CHODL: variants seen among roughly 807,000 people sequenced by gnomAD.
CHODL encodes the protein chondrolectin, also known as transmembrane protein MT75.
A neutral mutation model predicts 34.5 loss-of-function variants in CHODL; 29 were observed. The ratio of observed to expected loss-of-function variants is 0.84; its 90% CI spans 0.63 to 1.15. The LOEUF is 1.15. Among genes scored for constraint, CHODL ranks in the 50% most tolerant of loss-of-function variants. The probability of loss-of-function intolerance (pLI) is 0.00; values close to 1 mark genes in which losing one functional copy is unlikely to be tolerated. For missense variants in CHODL, 332 were observed against 332.5 expected (o/e 1.00, Z 0.01); for synonymous variants, 125 against 116.1 (o/e 1.08, Z -0.49).
rs1568957671 is a variant in CHODL, at chr21:18,251,564, T to TATATAAAATAAA, written c.80-4945_80-4944insATATAAAATAAA. Among the ~76,000 whole-genome samples, 148 of 14,970 alleles carry TATATAAAATAAA rather than the reference T, an allele frequency of 9.9e-3. 2 individuals are homozygous for TATATAAAATAAA. Among genetic ancestry groups the TATATAAAATAAA allele is most frequent in the African/African-American group, 0.045 (147 of 3,234 alleles). The allele number at this position is 14,970 out of a possible 152,430, so 9.8% of individuals were successfully genotyped here. ...TTTAATATATAAATATTTATTTTAT[T>TATATAAAATAAA]TATTTATTTTAATATATAAAATATT... On this transcript the variant is annotated intron_variant, in intron 1 of 5. Transcript: ENST00000299295.
intron 1 of CHODL, among the ~76,000 whole-genome samples, chr21:18,250,841 G>A (rs2074227133): frequency 6.6e-6 from 1 of 151,716 alleles, no homozygotes; most frequent in South Asian, 2.1e-4. Context: ...TTTACCATGT[G>A]GATGCTCTTT....
At chr21:18,177,155 C>T (rs1486854305) in intron 2 of CHODL, among the ~76,000 whole-genome samples, 1 of 151,950 alleles carries the variant, frequency 6.6e-6, no homozygotes, top group Non-Finnish European at 1.5e-5. Context: ...CAAATAATAA[C>T]ACTAACAAGG....
intron 2 of CHODL, among the ~76,000 whole-genome samples, chr21:18,060,709 CAAAAAA>C (rs71318121): frequency 8.2e-6 from 1 of 121,374 alleles, no homozygotes; most frequent in Admixed American, 8.6e-5. Flanking sequence ...CTCCTCGGAC[CAAAAAA>C]AAAAAAAAGA....
At chr21:18,041,578 C>T (rs932068834) in intron 2 of CHODL, among the ~76,000 whole-genome samples, 3 of 151,492 alleles carry the variant, frequency 2.0e-5, no homozygotes, top group African/African-American at 7.3e-5. Flanking sequence ...ATTTTGTGAT[C>T]GAAAAAGTCT....
At chr21:18,235,068 A>T (rs2074016751) in intron 2 of CHODL, among the ~76,000 whole-genome samples, 1 of 152,116 alleles carries the variant, frequency 6.6e-6, no homozygotes, top group African/African-American at 2.4e-5. Flanking sequence ...AAAATTATGG[A>T]GGTGCCCAGT....
chr21:18,179,482 T>C (rs2073355846), intron 2 of CHODL, among the ~76,000 whole-genome samples: 1 of 152,210 alleles, frequency 6.6e-6, no homozygotes, highest in Non-Finnish European at 1.5e-5. Flanking sequence ...CTACTCTCAA[T>C]TGGTAGAAAC....
chr21:18,033,145 A>G (rs2064267654), intron 2 of CHODL, among the ~76,000 whole-genome samples: 2 of 152,044 alleles, frequency 1.3e-5, no homozygotes, highest in African/African-American at 4.8e-5. Flanking sequence ...AGGATGATAT[A>G]CCAATGGAGA....
At chr21:17,919,853 A>C (rs2063170479) in intron 1 of CHODL, among the ~76,000 whole-genome samples, 1 of 152,270 alleles carries the variant, frequency 6.6e-6, no homozygotes, top group East Asian at 1.9e-4. Flanking sequence ...GCTGCTTATA[A>C]ATTTCTTTTG....
chr21:17,999,646 A>G (rs553582879), intron 1 of CHODL, among the ~76,000 whole-genome samples: 1 of 152,304 alleles, frequency 6.6e-6, no homozygotes, highest in African/African-American at 2.4e-5. Flanking sequence ...GAAACCCCTG[A>G]TAAAAGCCAT....
Position 18,097,573 on chromosome 21 carries a change from T to C in CHODL, c.-45+69602T>C, listed in dbSNP as rs139780769. Among the ~76,000 whole-genome samples, 957 of 152,024 alleles carry C rather than the reference T, an allele frequency of 6.3e-3. 14 individuals are homozygous for C. Among genetic ancestry groups the C allele is most frequent in the African/African-American group, 0.022 (895 of 41,508 alleles). ...ACACTGATGAAAGAAATTGAAGAGA[T>C]ACCAAAAATGAAAAGACATTTCATG... On this transcript the variant is annotated intron_variant, in intron 2 of 6. Coordinates refer to the CHODL transcript ENST00000400127.
At chr21:18,210,525 TG>T (rs2146722012) in intron 2 of CHODL, among the ~76,000 whole-genome samples, 2 of 152,312 alleles carry the variant, frequency 1.3e-5, no homozygotes, top group East Asian at 1.9e-4. Flanking sequence ...GATGTTCTTG[TG>T]GGGAGGACAA....
At chr21:17,992,466 G>T (rs1368506632) in intron 1 of CHODL, among the ~76,000 whole-genome samples, 2 of 152,020 alleles carry the variant, frequency 1.3e-5, no homozygotes, top group African/African-American at 4.8e-5. Context: ...CCATTTGTTT[G>T]TGCTTTCAAT....
chr21:18,179,018 C>G (rs1320133102), intron 2 of CHODL, among the ~76,000 whole-genome samples: 1 of 152,124 alleles, frequency 6.6e-6, no homozygotes, highest in Non-Finnish European at 1.5e-5. Flanking sequence ...TTCCAAAACC[C>G]TTTCTTCTGT....
chr21:18,124,047 G>A (rs1029821401), intron 2 of CHODL, among the ~76,000 whole-genome samples: 54 of 152,032 alleles, frequency 3.6e-4, no homozygotes, highest in African/African-American at 1.2e-3. Flanking sequence ...AGCTGGACTT[G>A]GTGGCAGGCG....
intron 2 of CHODL, among the ~76,000 whole-genome samples, chr21:18,158,374 C>T (rs2073057554): frequency 6.6e-6 from 1 of 152,098 alleles, no homozygotes; most frequent in African/African-American, 2.4e-5. Context: ...CATAAAAAGT[C>T]ATTATTGATG....
intron 2 of CHODL, among the ~76,000 whole-genome samples, chr21:18,177,707 A>C (rs12626825): frequency 0.029 from 4,428 of 152,192 alleles, 224 homozygotes; most frequent in East Asian, 0.22. Context: ...AATTATCAAA[A>C]TTTTGTTCAC....
chr21:18,263,517 G>A (rs1024090750), intron 5 of CHODL, among the ~76,000 whole-genome samples: 5 of 151,986 alleles, frequency 3.3e-5, no homozygotes, highest in African/African-American at 4.8e-5. Context: ...GTACCCTTGG[G>A]TTAGAGAAGT....
At chr21:18,232,438 C>G (rs1054566846) in intron 2 of CHODL, among the ~76,000 whole-genome samples, 3 of 152,154 alleles carry the variant, frequency 2.0e-5, no homozygotes, top group African/African-American at 7.2e-5. Context: ...CTTCCTCATA[C>G]ATGGCACCTT....
At chr21:18,175,605 A>G (rs546710811) in intron 2 of CHODL, among the ~76,000 whole-genome samples, 111 of 152,224 alleles carry the variant, frequency 7.3e-4, no homozygotes, top group Non-Finnish European at 1.3e-3. Context: ...AAAAAAAAAA[A>G]AGAAAGATAT....
Sources: gnomAD v4.1 joint callset for allele counts (sites outside exome capture counted in the v4.1 genomes callset) on GRCh38, gnomAD v4.1.1 for gene constraint, MANE v1.5 for transcripts, NCBI Gene and HGNC (gene_info 2026-07-23, HGNC 2026-07-21) for gene names.